LRP5: variants seen among roughly 807,000 people sequenced by gnomAD.
LRP5 encodes the protein low-density lipoprotein receptor-related protein 5.
LRP5 carries 62 observed loss-of-function variants against 154.1 expected under a neutral mutation model. The observed-to-expected ratio is 0.40, with a 90% CI of 0.33 to 0.50. The LOEUF is 0.50. Ranked by LOEUF, LRP5 falls within the 20% of genes least tolerant of loss-of-function variation. The pLI, the probability that LRP5 is intolerant of heterozygous loss-of-function variation, is 0.55. For missense variants in LRP5, 1,915 were observed against 2,336.7 expected, an observed-to-expected ratio of 0.82 and a Z score of 3.72; for synonymous variants, 966 against 1,011.5, an observed-to-expected ratio of 0.96 and a Z score of 0.85.
chr11:68,431,231 C>CTTT (rs34840282), intron 17 of LRP5, among the ~76,000 whole-genome samples: 977 of 92,912 alleles, frequency 0.011, 11 homozygotes, highest in African/African-American at 0.018. Context: ...GCTGTGCACC[C>CTTT]TTTTTTTTTT....
At chr11:68,299,704 T>C in the LRP5 span, among the ~76,000 whole-genome samples, 1 of 149,044 alleles carries the variant, frequency 6.7e-6, no homozygotes, top group East Asian at 2.0e-4. Context: ...TGCCTCAGCC[T>C]CCTGAGTAGC....
upstream of LRP5, among the ~76,000 whole-genome samples, chr11:68,308,570 G>A (rs2098585416): frequency 1.3e-5 from 2 of 152,096 alleles, no homozygotes; most frequent in African/African-American, 4.8e-5. Context: ...TACTTATTAC[G>A]TTACTGAAGG....
At chr11:68,448,734 CA>C in intron 22 of LRP5, 74 bp from the exon 23 acceptor site, 1 of 1,582,982 alleles carries the variant, frequency 6.3e-7, no homozygotes, top group South Asian at 1.1e-5. Flanking sequence ...TTCCCGTTCA[CA>C]GCCCCGGGGC....
At chr11:68,372,198 T>C (rs551599884) in intron 5 of LRP5, among the ~76,000 whole-genome samples, 250 of 152,046 alleles carry the variant, frequency 1.6e-3, no homozygotes, top group Non-Finnish European at 3.0e-3. Context: ...GAAAGTGCAG[T>C]GTCAGGCAGA....
chr11:68,444,409 C>T lies in LRP5; in HGVS notation c.4489-2027C>T, dbSNP rs187975620. 9.0e-3 allele frequency among the ~76,000 whole-genome samples: 1,363 copies of T among 152,168 alleles called. 15 individuals carry two copies. Among genetic ancestry groups the T allele is most frequent in the African/African-American group, 0.028 (1,163 of 41,522 alleles). ...GCGCATGCCTGTAATCCCAGCTTCT[C>T]GGGAGTCTGAGGCTGGAGAATCACT... On this transcript the variant is annotated intron_variant, in intron 21 of 22. Coordinates refer to ENST00000294304, the MANE Select transcript of LRP5 (RefSeq NM_002335.4).
At chr11:68,404,296 C>G in intron 8 of LRP5, 2 of 530,872 alleles carry the variant, frequency 3.8e-6, no homozygotes, top group Non-Finnish European at 7.3e-6. Context: ...GGCAGGGACT[C>G]TGTGTCCTGC....
intron 7 of LRP5, among the ~76,000 whole-genome samples, chr11:68,401,419 T>G (rs949173230): frequency 6.6e-5 from 10 of 152,212 alleles, no homozygotes; most frequent in Non-Finnish European, 1.3e-4. Flanking sequence ...AACCGCCTGT[T>G]GGGAGCTGTT....
chr11:68,312,312 G>A (rs1238967458), upstream of LRP5, among the ~76,000 whole-genome samples: 1 of 151,922 alleles, frequency 6.6e-6, no homozygotes, highest in African/African-American at 2.4e-5. Context: ...CACTCATAGA[G>A]GCTCCACAGG....
At chr11:68,350,404 G>T (rs932562006) in intron 2 of LRP5, among the ~76,000 whole-genome samples, 2 of 152,258 alleles carry the variant, frequency 1.3e-5, no homozygotes. Context: ...TGCCACAGGA[G>T]CCCGCCTGCC....
At chr11:68,355,230 C>T (rs184338060) in intron 2 of LRP5, among the ~76,000 whole-genome samples, 54 of 152,238 alleles carry the variant, frequency 3.5e-4, no homozygotes, top group African/African-American at 1.3e-3. Context: ...GAGGGCAAAG[C>T]GGGGCTTGTT....
chr11:68,344,893 C>T (rs1281309431), intron 1 of LRP5, among the ~76,000 whole-genome samples: 7 of 108,590 alleles, frequency 6.4e-5, no homozygotes, highest in African/African-American at 2.1e-4. Context: ...GACAGAGTCT[C>T]GCTCTGTCAT....
chr11:68,388,692 C>T (rs1319587227), intron 6 of LRP5, among the ~76,000 whole-genome samples: 1 of 152,170 alleles, frequency 6.6e-6, no homozygotes, highest in African/African-American at 2.4e-5. Context: ...TCAGCTCCTC[C>T]AGCCCACTAG....
Position 68,386,778 on chromosome 11 carries a change from A to G in LRP5, c.1412+66A>G. ...CCAAGCACAGGCGAGAGGGAGATTG[A>G]CCTGGACCTGTCATTCTGGGACACT... On this transcript the variant is annotated intron_variant, in intron 6 of 22. Transcript: ENST00000294304. This position sits in a 1 kb window ranked among gnomAD's most constrained non-coding sequence, Gnocchi z 7.9. 1 of 1,524,148 alleles carries G rather than the reference A, an allele frequency of 6.6e-7. No individual in the cohort carries two copies. Among genetic ancestry groups the G allele is most frequent in the South Asian group, 1.2e-5 (1 of 84,202 alleles). The allele number at this position is 1,524,148 out of a possible 1,614,324, so 94.4% of individuals were successfully genotyped here.
At chr11:68,321,351 C>T (rs557894367) in intron 1 of LRP5, among the ~76,000 whole-genome samples, 38 of 152,252 alleles carry the variant, frequency 2.5e-4, no homozygotes, top group Middle Eastern at 3.4e-3. Flanking sequence ...TTTCAAAAGA[C>T]GTATTGGCTC....
intron 21 of LRP5, among the ~76,000 whole-genome samples, chr11:68,441,088 C>CT (rs1398549625): frequency 6.8e-6 from 1 of 147,760 alleles, no homozygotes; most frequent in Non-Finnish European, 1.5e-5. Flanking sequence ...CTTTTCTTTT[C>CT]TTTTTTCTGA....
At chr11:68,387,903 G>A (rs529700420) in intron 6 of LRP5, among the ~76,000 whole-genome samples, 4 of 152,328 alleles carry the variant, frequency 2.6e-5, no homozygotes, top group African/African-American at 7.2e-5. Flanking sequence ...GGCACCCGTC[G>A]GGCAGCGGCG....
the LRP5 span, among the ~76,000 whole-genome samples, chr11:68,307,153 G>C: frequency 6.6e-6 from 1 of 151,926 alleles, no homozygotes; most frequent in Non-Finnish European, 1.5e-5. Flanking sequence ...TTGCACTCCA[G>C]CCTGAGCAAC....
chr11:68,343,291 A>T (rs2098610210), intron 1 of LRP5, among the ~76,000 whole-genome samples: 1 of 152,052 alleles, frequency 6.6e-6, no homozygotes, highest in South Asian at 2.1e-4. Flanking sequence ...GTGTGTTAGC[A>T]GGGGACTCTC....
chr11:68,311,892 A>C (rs58094689), upstream of LRP5, among the ~76,000 whole-genome samples: 5,142 of 152,240 alleles, frequency 0.034, 256 homozygotes, highest in African/African-American at 0.12. Context: ...CCTGGGTGAG[A>C]TTCTTCTCCT....
Sources: allele counts gnomAD v4.1 joint callset (sites outside exome capture counted in the v4.1 genomes callset), GRCh38; gene constraint gnomAD v4.1.1; non-coding constraint Gnocchi (gnomAD v3.1); transcripts MANE v1.5; gene names NCBI Gene and HGNC (gene_info 2026-07-23, HGNC 2026-07-21).